The following ZNF627 variants were observed in gnomAD, a reference collection of about 807,000 sequenced individuals.
ZNF627 encodes zinc finger protein 627.
ZNF627 carries 12 observed loss-of-function variants against 10.6 expected under a neutral mutation model. The ratio of observed to expected loss-of-function variants is 1.13; its 90% CI spans 0.73 to 1.84. ZNF627 has a LOEUF of 1.84. Ranked by LOEUF, ZNF627 falls within the 40% of genes most tolerant of loss-of-function variation. ZNF627 has a pLI of 0.00. For missense variants in ZNF627, 504 were observed against 568.4 expected (o/e 0.89, Z 1.15); for synonymous variants, 176 against 187.1 (o/e 0.94, Z 0.48).
At chr19:11,608,007 A>G (rs1973703800) in intron 1 of ZNF627, among the ~76,000 whole-genome samples, 1 of 152,206 alleles carries the variant, frequency 6.6e-6, no homozygotes, top group South Asian at 2.1e-4. Context: ...TAATTTATAA[A>G]GGAAAGAGGT....
At position 11,617,553 on chromosome 19, in the gene ZNF627, T is replaced by G. The variant is rs1973896951; in HGVS notation, c.1050T>G (p.Phe350Leu). ...CGKAFDFPSS[F>L]RIHERTHTGE... is the part of the protein sequence containing the mutation. ...AAGCCTTTGATTTCCCCAGTTCATT[T>G]CGAATCCATGAAAGGACCCACACTG... The change falls in exon 4 of 4, where the codon TTT (phenylalanine) becomes TTG (leucine). Residue 350 changes from phenylalanine (F) to leucine (L), a missense_variant. By Grantham distance (22) the Phe-to-Leu change is conservative. Transcript: ENST00000361113. 3 of 1,613,786 alleles carry G rather than the reference T, an allele frequency of 1.9e-6. No homozygotes were observed. Among genetic ancestry groups the G allele is most frequent in the Non-Finnish European group, 2.5e-6 (3 of 1,179,940 alleles).
chr19:11,615,753 C>T (rs1056609662), intron 3 of ZNF627, among the ~76,000 whole-genome samples: 8 of 139,126 alleles, frequency 5.8e-5, no homozygotes, highest in Admixed American at 3.0e-4. Flanking sequence ...TTTCACAACT[C>T]GTTGCCCAGG....
intron 1 of ZNF627, among the ~76,000 whole-genome samples, chr19:11,608,226 C>G: frequency 6.6e-6 from 1 of 152,096 alleles, no homozygotes; most frequent in East Asian, 1.9e-4. Flanking sequence ...GATTAAATTA[C>G]CTCTCACCGG....
intron 1 of ZNF627, among the ~76,000 whole-genome samples, chr19:11,609,523 T>TATATATATATA (rs1973735976): frequency 1.1e-5 from 1 of 93,876 alleles, no homozygotes; most frequent in Non-Finnish European, 2.3e-5. Flanking sequence ...ATATATGTAT[T>TATATATATATA]TTTTCCCCCC....
chr19:11,612,631 G>A (rs1208199100), intron 1 of ZNF627, among the ~76,000 whole-genome samples: 2 of 151,736 alleles, frequency 1.3e-5, no homozygotes, highest in African/African-American at 2.4e-5. Context: ...ATGTTGACCA[G>A]GCTGGTCTGG....
intron 1 of ZNF627, among the ~76,000 whole-genome samples, chr19:11,609,070 C>T (rs565502086): frequency 8.5e-5 from 13 of 152,154 alleles, no homozygotes; most frequent in African/African-American, 2.9e-4. Flanking sequence ...AGGGTTTTGC[C>T]ATGTTGTCCA....
chr19:11,614,410 A>AGTC, intron 1 of ZNF627, 117 bp from the exon 2 acceptor site: 1 of 1,497,326 alleles, frequency 6.7e-7, no homozygotes. Context: ...ATGACTGTGG[A>AGTC]ATCTTGAAAT....
intron 1 of ZNF627, among the ~76,000 whole-genome samples, chr19:11,605,222 A>T (rs1973654595): frequency 6.6e-6 from 1 of 150,560 alleles, no homozygotes; most frequent in Non-Finnish European, 1.5e-5. Context: ...AGCTGGGGTT[A>T]CAGGTGCCCA....
intron 1 of ZNF627, chr19:11,604,124 TATG>T (rs1231477293): frequency 3.3e-5 from 5 of 152,152 alleles, no homozygotes; most frequent in African/African-American, 1.2e-4. Context: ...ATATATCATA[TATG>T]ATGATGATCA....
chr19:11,609,061 G>C (rs1472330133), intron 1 of ZNF627, among the ~76,000 whole-genome samples: 1 of 152,046 alleles, frequency 6.6e-6, no homozygotes, highest in African/African-American at 2.4e-5. Flanking sequence ...TGTAGAGACA[G>C]GGTTTTGCCA....
intron 1 of ZNF627, among the ~76,000 whole-genome samples, chr19:11,602,287 G>C (rs1165359799): frequency 1.3e-5 from 2 of 152,132 alleles, no homozygotes; most frequent in Non-Finnish European, 2.9e-5. Context: ...TGTTCTGACT[G>C]ATCACTGAAG....
chr19:11,599,664 G>A (rs1973551082), intron 1 of ZNF627, among the ~76,000 whole-genome samples: 1 of 152,178 alleles, frequency 6.6e-6, no homozygotes, highest in African/African-American at 2.4e-5. Flanking sequence ...CCAGCACTTT[G>A]GGAAGCTGAG....
chr19:11,603,860 T>C (rs911368707), intron 1 of ZNF627, among the ~76,000 whole-genome samples: 5 of 151,912 alleles, frequency 3.3e-5, no homozygotes, highest in African/African-American at 1.2e-4. Flanking sequence ...CAGGCTTGAG[T>C]GCAGTGGTGC....
At chr19:11,605,775 A>G (rs907465571) in intron 1 of ZNF627, among the ~76,000 whole-genome samples, 1 of 152,104 alleles carries the variant, frequency 6.6e-6, no homozygotes, top group Non-Finnish European at 1.5e-5. Context: ...ATATCCTCAC[A>G]TTTTAAAACA....
chr19:11,618,189 T>A lies in ZNF627; in HGVS notation c.*300T>A. The A allele has an allele frequency of 3.2e-6, 1 of 309,104 alleles. No individual in the cohort carries two copies. The highest frequency in any genetic ancestry group is 5.6e-5 in the East Asian group (1 of 17,928). The allele number at this position is 309,104 out of a possible 1,614,324, so 19.1% of individuals were successfully genotyped here. ...ACCTATCTTACATGAGATTCGGAAG[T>A]AAGTTAAGAAGGCATTAGTCATGGT... On this transcript the variant is annotated 3_prime_UTR_variant, in exon 4 of 4. Transcript: ENST00000361113.
At chr19:11,606,219 C>G (rs1973671810) in intron 1 of ZNF627, among the ~76,000 whole-genome samples, 2 of 152,024 alleles carry the variant, frequency 1.3e-5, no homozygotes, top group African/African-American at 4.8e-5. Context: ...CGCCTGTAAT[C>G]CCAGCTACTC....
intron 1 of ZNF627, among the ~76,000 whole-genome samples, chr19:11,606,454 C>G (rs1973676804): frequency 6.6e-6 from 1 of 152,192 alleles, no homozygotes; most frequent in Non-Finnish European, 1.5e-5. Context: ...TGTGGCTTTG[C>G]AAGGTACAGC....
intron 3 of ZNF627, among the ~76,000 whole-genome samples, chr19:11,615,754 G>A (rs547226511): frequency 6.4e-5 from 8 of 125,484 alleles, no homozygotes; most frequent in Admixed American, 9.6e-5. Flanking sequence ...TTCACAACTC[G>A]TTGCCCAGGC....
At chr19:11,599,257 G>A (rs531866753) in intron 1 of ZNF627, among the ~76,000 whole-genome samples, 4 of 152,174 alleles carry the variant, frequency 2.6e-5, no homozygotes, top group East Asian at 1.9e-4. Flanking sequence ...TCCTGGGGTC[G>A]GAGGAATCTC....
Sources: gnomAD v4.1 joint callset for allele counts (sites outside exome capture counted in the v4.1 genomes callset) on GRCh38, gnomAD v4.1.1 for gene constraint, MANE v1.5 for transcripts, NCBI Gene and HGNC (gene_info 2026-07-23, HGNC 2026-07-21) for gene names.